Variants in ARHGAP31 observed in about 807,000 individuals in gnomAD.
ARHGAP31 encodes the protein Rho GTPase activating protein 31, also known as rho GTPase-activating protein 31.
A neutral mutation model predicts 113.9 loss-of-function variants in ARHGAP31; 34 were observed. That is an observed-to-expected ratio of 0.30 (90% CI 0.23 to 0.40). The LOEUF (loss-of-function observed/expected upper bound fraction) is 0.40, where lower values mean the gene tolerates loss of function less well. Ranked by LOEUF, ARHGAP31 falls within the 10% of genes least tolerant of loss-of-function variation. The pLI is 1.00. For missense variants in ARHGAP31, 1,548 were observed against 1,767.1 expected (o/e 0.88, Z 2.22); for synonymous variants, 650 against 684.8 (o/e 0.95, Z 0.79).
At position 119,415,872 on chromosome 3, in the gene ARHGAP31, G is replaced by C; in HGVS notation, c.3943G>C (p.Glu1315Gln). Residue 1315 changes from glutamate to glutamine, a missense_variant, in exon 12 of 12, where the codon GAG becomes CAG. By Grantham distance (29) the Glu-to-Gln change is conservative. Coordinates refer to ENST00000264245, the MANE Select transcript of ARHGAP31 (RefSeq NM_020754.4). ...VQCRKRMSET[E>Q]PSGDNLLSSK... is the part of the protein sequence containing the mutation. ...ATGCAGAAAGCGCATGTCAGAGACAGAGCCATCTGGGGACAACCTTCTTTC... is the reference window on the plus strand; with the variant it reads ...ATGCAGAAAGCGCATGTCAGAGACACAGCCATCTGGGGACAACCTTCTTTC... 1 of 1,614,242 alleles carries C rather than the reference G, an allele frequency of 6.2e-7. No homozygotes were observed. Among genetic ancestry groups the C allele is most frequent in the Non-Finnish European group, 8.5e-7 (1 of 1,180,050 alleles).
At chr3:119,329,245 T>C (rs61668793) in intron 1 of ARHGAP31, among the ~76,000 whole-genome samples, 55,348 of 152,096 alleles carry the variant, frequency 0.36, 12,007 homozygotes, top group African/African-American at 0.61. Flanking sequence ...GGCCACCAAG[T>C]TTATCTTTCT....
chr3:119,331,930 G>C (rs917452028), intron 1 of ARHGAP31, among the ~76,000 whole-genome samples: 2 of 152,090 alleles, frequency 1.3e-5, no homozygotes, highest in African/African-American at 4.8e-5. Context: ...ATTCCCTTAG[G>C]TGAAGAGCTC....
chr3:119,341,346 A>G (rs1383194436), intron 1 of ARHGAP31, among the ~76,000 whole-genome samples: 3 of 152,204 alleles, frequency 2.0e-5, no homozygotes, highest in Non-Finnish European at 4.4e-5. Context: ...TGATGATAAT[A>G]ATAACAGCAA....
At chr3:119,396,429 T>G (rs887221690) in intron 8 of ARHGAP31, among the ~76,000 whole-genome samples, 1 of 152,246 alleles carries the variant, frequency 6.6e-6, no homozygotes, top group African/African-American at 2.4e-5. Flanking sequence ...ATTCAAGAAC[T>G]GTCAGTGTCA....
intron 1 of ARHGAP31, among the ~76,000 whole-genome samples, chr3:119,347,049 T>G (rs1305553004): frequency 6.6e-6 from 1 of 152,112 alleles, no homozygotes; most frequent in Non-Finnish European, 1.5e-5. Flanking sequence ...AAAATAAATA[T>G]AGATCTGGGA....
intron 1 of ARHGAP31, among the ~76,000 whole-genome samples, chr3:119,335,416 C>T (rs994805370): frequency 2.0e-5 from 3 of 152,106 alleles, no homozygotes; most frequent in African/African-American, 7.2e-5. Flanking sequence ...ATTGCCAGGA[C>T]GCAAGCCAAG....
intron 1 of ARHGAP31, among the ~76,000 whole-genome samples, chr3:119,302,301 T>G (rs1405513582): frequency 6.6e-6 from 1 of 152,250 alleles, no homozygotes; most frequent in Non-Finnish European, 1.5e-5. Flanking sequence ...CAATTTCAAC[T>G]AAGGCTTCAC....
intron 1 of ARHGAP31, among the ~76,000 whole-genome samples, chr3:119,364,221 T>G (rs2080234253): frequency 8.3e-5 from 7 of 84,382 alleles, no homozygotes; most frequent in East Asian, 3.9e-4. Flanking sequence ...CAATCCATGG[T>G]TGGGGGTGGG....
chr3:119,332,083 A>G (rs1054034167), intron 1 of ARHGAP31, among the ~76,000 whole-genome samples: 2 of 152,034 alleles, frequency 1.3e-5, no homozygotes, highest in Non-Finnish European at 2.9e-5. Context: ...TTTAAAAGTT[A>G]TTACTTCGCC....
rs754254146 is a variant in ARHGAP31, at chr3:119,409,696, C to T, written c.1846C>T (p.Arg616Ter). 5 of 1,610,404 alleles carry T rather than the reference C, an allele frequency of 3.1e-6. No individual in the cohort carries two copies. The highest frequency in any genetic ancestry group is 1.7e-4 in the Middle Eastern group (1 of 5,846). ...PNPEKVVEEG[R>*]EAGEMESSTL... ...TCCGGAGAAGGTGGTGGAGGAGGGA[C>T]GAGAGGCTGGTGAGATGGAGTCCAG... Residue 616 changes from arginine (R) to a stop codon, truncating the protein, a stop_gained, in exon 11 of 12, where the codon CGA becomes TGA. Transcript: ENST00000264245. LOFTEE classifies it high-confidence loss of function.
At chr3:119,405,389 A>G (rs764339001) in intron 10 of ARHGAP31, among the ~76,000 whole-genome samples, 14 of 152,228 alleles carry the variant, frequency 9.2e-5, no homozygotes, top group Non-Finnish European at 2.1e-4. Flanking sequence ...TCCTTCAGCC[A>G]TACCCAGGGG....
chr3:119,356,594 G>A (rs757235442), intron 1 of ARHGAP31, among the ~76,000 whole-genome samples: 1 of 150,996 alleles, frequency 6.6e-6, no homozygotes, highest in Non-Finnish European at 1.5e-5. Flanking sequence ...TTGTGCTACT[G>A]CACCCCAGCC....
intron 10 of ARHGAP31, among the ~76,000 whole-genome samples, chr3:119,407,570 A>G (rs971015693): frequency 6.6e-6 from 1 of 152,246 alleles, no homozygotes; most frequent in Non-Finnish European, 1.5e-5. Context: ...AAACTCTGGC[A>G]GAATAAACCA....
intron 6 of ARHGAP31, among the ~76,000 whole-genome samples, chr3:119,389,028 G>A (rs942963559): frequency 6.6e-5 from 10 of 152,122 alleles, no homozygotes; most frequent in South Asian, 4.1e-4. Flanking sequence ...TGGCATGGCG[G>A]TGGGTGCCTG....
At chr3:119,354,887 A>AT (rs566017750) in intron 1 of ARHGAP31, among the ~76,000 whole-genome samples, 2,441 of 149,046 alleles carry the variant, frequency 0.016, 76 homozygotes, top group African/African-American at 0.056. Flanking sequence ...CTTTTTTGCT[A>AT]TTTTTTTTTC....
intron 1 of ARHGAP31, among the ~76,000 whole-genome samples, chr3:119,333,408 T>A (rs1353272604): frequency 6.6e-6 from 1 of 152,264 alleles, no homozygotes; most frequent in East Asian, 1.9e-4. Context: ...CTTTAGTATC[T>A]GAAGTTGTTC....
chr3:119,401,761 G>T, intron 9 of ARHGAP31, 61 bp from the exon 10 acceptor site: 2 of 1,528,464 alleles, frequency 1.3e-6, no homozygotes, highest in Non-Finnish European at 1.8e-6. Context: ...GCCCTTACTG[G>T]AAGGCCTGCT....
intron 3 of ARHGAP31, among the ~76,000 whole-genome samples, chr3:119,376,034 C>T (rs1459722079): frequency 6.6e-6 from 1 of 152,108 alleles, no homozygotes; most frequent in Non-Finnish European, 1.5e-5. Context: ...TGTCTTGACG[C>T]GTCAGTCTCC....
At position 119,401,811 on chromosome 3, in the gene ARHGAP31, C is replaced by G; in HGVS notation, c.1070-11C>G. The G allele has an allele frequency of 6.2e-7, 1 of 1,613,702 alleles. No individual in the cohort carries two copies. On this transcript the variant is annotated splice_polypyrimidine_tract_variant and intron_variant, in intron 9 of 11. Transcript: ENST00000264245. ...CCGGCTGCTGACCATACACTTGTTC[C>G]TTTTTACTAGGAAAAGAAACCAAGG...
Sources: gnomAD v4.1 joint callset for allele counts (sites outside exome capture counted in the v4.1 genomes callset) on GRCh38, gnomAD v4.1.1 for gene constraint, MANE v1.5 for transcripts, NCBI Gene and HGNC (gene_info 2026-07-23, HGNC 2026-07-21) for gene names.